SPAG16: variants seen among roughly 807,000 people sequenced by gnomAD.
The protein encoded by SPAG16 is sperm associated antigen 16.
SPAG16 carries 86 observed loss-of-function variants against 80.4 expected under a neutral mutation model. The ratio of observed to expected loss-of-function variants is 1.07; its 90% CI spans 0.90 to 1.28. The LOEUF (loss-of-function observed/expected upper bound fraction) is 1.28. Ranked by LOEUF, SPAG16 falls within the 50% of genes most tolerant of loss-of-function variation. The probability of loss-of-function intolerance (pLI) is 0.00; values close to 1 mark genes in which losing one functional copy is unlikely to be tolerated. For missense variants in SPAG16, 870 were observed against 765.3 expected, an observed-to-expected ratio of 1.14 and a Z score of -1.61; for synonymous variants, 294 against 265.9, an observed-to-expected ratio of 1.11 and a Z score of -1.03.
At chr2:213,905,316 G>C (rs2077389532) in intron 11 of SPAG16, among the ~76,000 whole-genome samples, 2 of 152,172 alleles carry the variant, frequency 1.3e-5, no homozygotes, top group African/African-American at 4.8e-5. Flanking sequence ...AGCATAGTCA[G>C]ATATTTTATA....
intron 11 of SPAG16, among the ~76,000 whole-genome samples, chr2:213,886,150 G>T (rs1387849009): frequency 6.6e-6 from 1 of 152,112 alleles, no homozygotes; most frequent in Non-Finnish European, 1.5e-5. Flanking sequence ...AGAAGATTCT[G>T]TCAGGATTGG....
At chr2:214,206,903 T>C (rs912076747) in intron 15 of SPAG16, among the ~76,000 whole-genome samples, 2 of 152,198 alleles carry the variant, frequency 1.3e-5, no homozygotes, top group African/African-American at 4.8e-5. Flanking sequence ...GAACATTTTT[T>C]CATATACAAT....
At chr2:213,878,747 G>C (rs1264367422) in intron 11 of SPAG16, among the ~76,000 whole-genome samples, 1 of 152,062 alleles carries the variant, frequency 6.6e-6, no homozygotes, top group Non-Finnish European at 1.5e-5. Context: ...ATCCAGAAGA[G>C]TTTTCTCTGT....
rs1230216081 is a variant in SPAG16 at position 213,384,898 on chromosome 2, G to A, written c.942+9779G>A. On this transcript the variant is annotated intron_variant, in intron 9 of 15. Transcript: ENST00000331683. ...AGCGTTCTATGGTTCAGGATATCCT[G>A]ATAGCCCTTACCACCTTGCTGTTCT... Among the ~76,000 whole-genome samples, 4 of 152,180 alleles carry A rather than the reference G, an allele frequency of 2.6e-5. 1 individual carries two copies. Among genetic ancestry groups the A allele is most frequent in the Non-Finnish European group, 4.4e-5 (3 of 68,028 alleles).
chr2:213,289,731 T>C (rs1229349457), intron 1 of SPAG16, among the ~76,000 whole-genome samples: 2 of 152,250 alleles, frequency 1.3e-5, no homozygotes, highest in Non-Finnish European at 1.5e-5. Context: ...CTGTGTACGT[T>C]GGCTCTGCAG....
At chr2:213,918,147 G>A (rs566662734) in intron 11 of SPAG16, among the ~76,000 whole-genome samples, 6 of 152,060 alleles carry the variant, frequency 3.9e-5, no homozygotes, top group East Asian at 1.9e-4. Context: ...TTAGTTTTTT[G>A]ATGTGCTGCT....
intron 13 of SPAG16, among the ~76,000 whole-genome samples, chr2:214,086,389 C>CA (rs2051754198): frequency 1.3e-5 from 2 of 152,118 alleles, no homozygotes; most frequent in African/African-American, 4.8e-5. Context: ...TGGTCTGGCT[C>CA]TGTGTCCCCA....
intron 12 of SPAG16, among the ~76,000 whole-genome samples, chr2:213,939,966 A>G (rs2079131957): frequency 6.6e-6 from 1 of 152,164 alleles, no homozygotes; most frequent in African/African-American, 2.4e-5. Flanking sequence ...TTGAAGATGT[A>G]GAGTGACATA....
At chr2:213,669,549 A>G (rs1305665224) in intron 10 of SPAG16, among the ~76,000 whole-genome samples, 1 of 152,244 alleles carries the variant, frequency 6.6e-6, no homozygotes, top group African/African-American at 2.4e-5. Flanking sequence ...TGTTTTGCTA[A>G]GCCTTTTTTA....
rs182130185 is a variant in SPAG16, at chr2:213,765,491, A to G, written c.1071-96994A>G. 2.0e-3 allele frequency among the ~76,000 whole-genome samples: 300 copies of G among 152,362 alleles called. 1 individual carries two copies. The highest frequency in any genetic ancestry group is 0.011 in the Admixed American group (168 of 15,312). ...GATTCCCAATTATGGAATGCCTTCT[A>G]TGTCCTCTTGAGTCTATATGTGTAT... is the stretch of plus-strand genomic sequence containing the variant. On this transcript the variant is annotated intron_variant, in intron 10 of 15. Transcript: ENST00000331683.
At chr2:213,783,317 TAA>T (rs11362970) in intron 10 of SPAG16, among the ~76,000 whole-genome samples, 73,660 of 145,936 alleles carry the variant, frequency 0.5, 19,541 homozygotes, top group Middle Eastern at 0.66. Context: ...TAGAGTATAA[TAA>T]AAAAAAAAAA....
Position 214,012,288 on chromosome 2 carries a change from A to ATTTTTTT in SPAG16, c.1401-1648_1401-1642dup, listed in dbSNP as rs778689045. 1.8e-3 allele frequency among the ~76,000 whole-genome samples: 82 copies of ATTTTTTT among 46,802 alleles called. 2 individuals are homozygous for ATTTTTTT. The highest frequency in any genetic ancestry group is 6.1e-3 in the African/African-American group (50 of 8,154). 30.7% of individuals were successfully genotyped at this position (46,802 alleles called of 152,430 possible). A position where few individuals can be genotyped will look rare whatever the true frequency, so the allele number is the denominator to read the frequency against. Reference sequence around the variant, plus strand: ...TATATATATATATATATATATATATATTTTTTTTTTTTTTTTTTTTTCCTC... The same window carrying ATTTTTTT: ...TATATATATATATATATATATATATATTTTTTTTTTTTTTTTTTTTTTTTTTTTCCTC... On this transcript the variant is annotated intron_variant, in intron 12 of 15. Coordinates refer to ENST00000331683, the MANE Select transcript of SPAG16 (RefSeq NM_024532.5).
intron 9 of SPAG16, among the ~76,000 whole-genome samples, chr2:213,405,416 G>C (rs1017621182): frequency 6.6e-6 from 1 of 152,092 alleles, no homozygotes; most frequent in Non-Finnish European, 1.5e-5. Context: ...AATGTGTAAT[G>C]ATCAAATCTG....
chr2:213,925,705 A>G (rs781624354), intron 11 of SPAG16, among the ~76,000 whole-genome samples: 1 of 152,054 alleles, frequency 6.6e-6, no homozygotes, highest in Non-Finnish European at 1.5e-5. Flanking sequence ...ATTATTTTCT[A>G]TTAGCTCTTT....
chr2:214,267,179 T>C (rs1691636662), intron 15 of SPAG16, among the ~76,000 whole-genome samples: 1 of 151,410 alleles, frequency 6.6e-6, no homozygotes, highest in Admixed American at 6.6e-5. Flanking sequence ...TAAAAAAAGA[T>C]TAAAAAGATT....
chr2:213,852,201 C>A (rs1021693545), intron 10 of SPAG16, among the ~76,000 whole-genome samples: 8 of 152,164 alleles, frequency 5.3e-5, no homozygotes, highest in African/African-American at 1.9e-4. Context: ...TACCAATATA[C>A]AAAAGCGGCA....
intron 10 of SPAG16, among the ~76,000 whole-genome samples, chr2:213,502,712 G>A (rs918260690): frequency 1.3e-5 from 2 of 152,120 alleles, no homozygotes; most frequent in African/African-American, 4.8e-5. Flanking sequence ...TTAATCCTAT[G>A]AACAGTTCTT....
intron 15 of SPAG16, among the ~76,000 whole-genome samples, chr2:214,264,262 T>G (rs1691384574): frequency 1.3e-5 from 2 of 152,130 alleles, no homozygotes; most frequent in Admixed American, 1.3e-4. Context: ...TTATATAAAT[T>G]AAAACCATCT....
At chr2:213,741,208 G>A (rs1039154391) in intron 10 of SPAG16, among the ~76,000 whole-genome samples, 2 of 152,034 alleles carry the variant, frequency 1.3e-5, no homozygotes, top group African/African-American at 2.4e-5. Flanking sequence ...TACTAGTTAA[G>A]CGCATGTCTA....
Sources: allele counts gnomAD v4.1 joint callset (sites outside exome capture counted in the v4.1 genomes callset), GRCh38; gene constraint gnomAD v4.1.1; transcripts MANE v1.5; gene names NCBI Gene and HGNC (gene_info 2026-07-23, HGNC 2026-07-21).